Variants in NRP2 observed in about 807,000 individuals in gnomAD.
NRP2 encodes neuropilin 2.
NRP2 carries 52 observed loss-of-function variants against 110.4 expected under a neutral mutation model. That is an observed-to-expected ratio of 0.47 (90% confidence interval 0.38 to 0.59). The LOEUF (loss-of-function observed/expected upper bound fraction) is 0.59. Ranked by LOEUF, NRP2 falls within the 20% of genes least tolerant of loss-of-function variation. The pLI is 0.00. For missense variants in NRP2, 1,049 were observed against 1,203.0 expected (o/e 0.87, Z 1.89); for synonymous variants, 508 against 468.9 (o/e 1.08, Z -1.08).
intron 1 of NRP2, among the ~76,000 whole-genome samples, chr2:205,691,500 C>T (rs933566924): frequency 1.1e-4 from 16 of 152,218 alleles, no homozygotes; most frequent in Admixed American, 4.6e-4. Flanking sequence ...ATAGCTTGGG[C>T]TCAATTCAAG....
At chr2:205,705,631 A>G (rs746920598) in intron 2 of NRP2, among the ~76,000 whole-genome samples, 1 of 152,206 alleles carries the variant, frequency 6.6e-6, no homozygotes, top group Non-Finnish European at 1.5e-5. Flanking sequence ...CTTGCCAGAC[A>G]TCAGGTCCTA....
At chr2:205,789,608 T>C (rs999594567) in intron 15 of NRP2, among the ~76,000 whole-genome samples, 2 of 152,210 alleles carry the variant, frequency 1.3e-5, no homozygotes, top group Non-Finnish European at 2.9e-5. Context: ...CAGGGAGCTG[T>C]GGCCTCTACC....
chr2:205,729,410 T>A (rs1408563117), intron 7 of NRP2, among the ~76,000 whole-genome samples: 4 of 152,206 alleles, frequency 2.6e-5, no homozygotes, highest in Admixed American at 2.6e-4. Flanking sequence ...TTACCAAGCA[T>A]CCGTTGGGAA....
At chr2:205,776,953 T>C in intron 15 of NRP2, 2 of 1,130,204 alleles carry the variant, frequency 1.8e-6, no homozygotes, top group Non-Finnish European at 2.2e-6. Context: ...TAGACATGTG[T>C]GTGTGTGAAT....
chr2:205,734,065 A>G (rs1403427407), intron 7 of NRP2, among the ~76,000 whole-genome samples: 1 of 152,128 alleles, frequency 6.6e-6, no homozygotes, highest in Non-Finnish European at 1.5e-5. Flanking sequence ...CCGAAAGTAA[A>G]GGAGGATGAG....
chr2:205,727,952 A>T lies in NRP2; in HGVS notation c.1052A>T (p.Glu351Val), dbSNP rs2057161119. ...AIATQGAISR[E>V]TQNGYYVKSY... ...GCAACACAGGGAGCGATTTCCAGGG[A>T]AACACAGAATGGCTACTATGTCAAA... Residue 351 changes from glutamate to valine, a missense_variant, in exon 7 of 17, where the codon GAA becomes GTA. By Grantham distance (121) the Glu-to-Val change is moderately radical. Transcript: ENST00000357785. The T allele has an allele frequency of 1.2e-6, 2 of 1,614,062 alleles. No homozygotes were observed. Among genetic ancestry groups the T allele is most frequent in the African/African-American group, 2.7e-5 (2 of 74,916 alleles).
intron 10 of NRP2, among the ~76,000 whole-genome samples, chr2:205,747,626 G>A (rs2057562063): frequency 6.6e-6 from 1 of 152,150 alleles, no homozygotes; most frequent in Admixed American, 6.5e-5. Flanking sequence ...GTGATGCGTG[G>A]TTTGGGAAAT....
rs992454387 is a variant in NRP2, at chr2:205,795,405, G to A, written c.*347G>A. The stretch of plus-strand genomic sequence containing the variant: ...TATTATTATTATATTTTATTTCTTT[G>A]GTCTGTGAGCAACTCAAAGAGGCAG... On this transcript the variant is annotated 3_prime_UTR_variant, in exon 17 of 17. Coordinates refer to ENST00000357785, the MANE Select transcript of NRP2 (RefSeq NM_003872.3). The A allele has an allele frequency of 7.6e-5, 11 of 145,082 alleles. No homozygotes were observed. Among genetic ancestry groups the A allele is most frequent in the African/African-American group, 2.7e-4 (11 of 40,248 alleles). The allele number at this position is 145,082 out of a possible 1,614,324, so 9.0% of individuals were successfully genotyped here.
intron 15 of NRP2, among the ~76,000 whole-genome samples, chr2:205,775,257 T>C (rs1336270515): frequency 6.6e-6 from 1 of 152,202 alleles, no homozygotes; most frequent in African/African-American, 2.4e-5. Context: ...TTTGGGAGAA[T>C]CAAGTTGTAA....
chr2:205,693,854 C>T (rs1282972883), intron 1 of NRP2, among the ~76,000 whole-genome samples: 3 of 152,104 alleles, frequency 2.0e-5, no homozygotes, highest in Admixed American at 6.5e-5. Context: ...ACCAAGCTGT[C>T]GTGAAGTAAG....
intron 7 of NRP2, among the ~76,000 whole-genome samples, chr2:205,729,666 C>G (rs1427227433): frequency 6.6e-6 from 1 of 152,160 alleles, no homozygotes; most frequent in Admixed American, 6.5e-5. Context: ...TAAAAGCATG[C>G]AGATGGACCA....
chr2:205,693,950 A>G (rs1186224041), intron 1 of NRP2, among the ~76,000 whole-genome samples: 2 of 152,238 alleles, frequency 1.3e-5, no homozygotes, highest in African/African-American at 4.8e-5. Context: ...GTGTTCCTTT[A>G]AAACAATGCC....
intron 2 of NRP2, among the ~76,000 whole-genome samples, chr2:205,708,466 GC>G (rs1267654049): frequency 6.6e-6 from 1 of 152,160 alleles, no homozygotes; most frequent in Non-Finnish European, 1.5e-5. Context: ...TTTGTTGCGT[GC>G]CCTTAATTCT....
rs746383603 is a variant in NRP2 at position 205,752,835 on chromosome 2, A to G, written c.1904A>G (p.Asp635Gly). 6.2e-7 allele frequency: 1 copy of G among 1,614,132 alleles called. No homozygotes were observed. The highest frequency in any genetic ancestry group is 2.2e-5 in the East Asian group (1 of 44,866). ...ECGENCSFED[D>G]KDLQLPSGFN... is the part of the protein sequence containing the mutation. ...TTGGGTTATTGTTTTCCCCTTTTAGACAAAGATTTGCAGCTCCCTTCGGGA... is the reference window on the plus strand; with the variant it reads ...TTGGGTTATTGTTTTCCCCTTTTAGGCAAAGATTTGCAGCTCCCTTCGGGA... Residue 635 changes from aspartate (D) to glycine (G), a missense_variant and splice_region_variant, in exon 12 of 17, where the codon GAC (aspartate) becomes GGC (glycine). By Grantham distance (94) the Asp-to-Gly change is moderately conservative (BLOSUM62 -1). Transcript: ENST00000357785.
At chr2:205,695,326 C>T (rs2056400932) in intron 1 of NRP2, among the ~76,000 whole-genome samples, 1 of 152,190 alleles carries the variant, frequency 6.6e-6, no homozygotes, top group Non-Finnish European at 1.5e-5. Flanking sequence ...GAAATGATCA[C>T]TTCTGCTGTA....
At chr2:205,702,423 C>T (rs979819937) in intron 2 of NRP2, among the ~76,000 whole-genome samples, 2 of 152,192 alleles carry the variant, frequency 1.3e-5, no homozygotes, top group African/African-American at 4.8e-5. Flanking sequence ...AGTGACAAAG[C>T]GTAAGAGCAA....
chr2:205,729,469 C>G (rs573539165), intron 7 of NRP2, among the ~76,000 whole-genome samples: 1 of 152,340 alleles, frequency 6.6e-6, no homozygotes, highest in South Asian at 2.1e-4. Flanking sequence ...GGGCTGAGAC[C>G]TGGTTCCACC....
chr2:205,750,910 A>G (rs1307549458), intron 11 of NRP2, among the ~76,000 whole-genome samples: 12 of 152,234 alleles, frequency 7.9e-5, no homozygotes, highest in Non-Finnish European at 4.4e-5. Flanking sequence ...AAAGCCAAGA[A>G]TAAATGCTGA....
chr2:205,772,324 C>G (rs2058035434), intron 15 of NRP2, among the ~76,000 whole-genome samples: 1 of 152,336 alleles, frequency 6.6e-6, no homozygotes, highest in South Asian at 2.1e-4. Flanking sequence ...GACCGGAACA[C>G]TACCTCATGT....
Sources: allele counts gnomAD v4.1 joint callset (sites outside exome capture counted in the v4.1 genomes callset), GRCh38; gene constraint gnomAD v4.1.1; transcripts MANE v1.5; gene names NCBI Gene and HGNC (gene_info 2026-07-23, HGNC 2026-07-21).